Variants in SATB2 observed in about 807,000 individuals in gnomAD.
SATB2 encodes the protein SATB homeobox 2, also known as DNA-binding protein SATB2.
A neutral mutation model predicts 73.4 loss-of-function variants in SATB2; 1 was observed. That is an observed-to-expected ratio of 0.01 (90% CI 0.00 to 0.06). The LOEUF is 0.06. Among genes scored for constraint, SATB2 ranks in the 10% least tolerant of loss-of-function variants. The pLI is 1.00. For missense variants in SATB2, 459 were observed against 945.8 expected (o/e 0.49, Z 6.75); for synonymous variants, 397 against 367.0 (o/e 1.08, Z -0.93).
At chr2:199,470,847 A>G (rs1692690015) in intron 1 of SATB2, 2 of 152,318 alleles carry the variant, frequency 1.3e-5, no homozygotes, top group Admixed American at 6.5e-5. Context: ...TGCGCCCTTC[A>G]AAGAGCTGGC....
Position 199,272,100 on chromosome 2 carries a change from C to T in SATB2, c.*111G>A. ...CAGACATAAAAAGACAAAAATAAAGCCAAAAAAACCCAAAAACAAAAACAA... is the reference window on the plus strand; with the variant it reads ...CAGACATAAAAAGACAAAAATAAAGTCAAAAAAACCCAAAAACAAAAACAA... On this transcript the variant is annotated 3_prime_UTR_variant, in exon 11 of 11. Transcript: ENST00000417098. The surrounding 1 kb of genome is among the most constrained non-coding windows in gnomAD (Gnocchi z 6.7). 9.5e-7 allele frequency: 1 copy of T among 1,053,702 alleles called. No individual in the cohort carries two copies. Among genetic ancestry groups the T allele is most frequent in the Non-Finnish European group, 1.5e-6 (1 of 689,488 alleles). 65.3% of individuals were successfully genotyped at this position (1,053,702 alleles called of 1,614,324 possible).
chr2:199,273,774 T>C (rs2105709443), intron 10 of SATB2, among the ~76,000 whole-genome samples: 1 of 152,274 alleles, frequency 6.6e-6, no homozygotes, highest in Non-Finnish European at 1.5e-5. Context: ...ATTTAAATAA[T>C]TTTTCTTTTA....
intron 6 of SATB2, among the ~76,000 whole-genome samples, chr2:199,352,701 G>A (rs968616604): frequency 6.6e-6 from 1 of 152,128 alleles, no homozygotes; most frequent in Non-Finnish European, 1.5e-5. Flanking sequence ...AGAACTAGGT[G>A]GAGGAGGGAA....
Position 199,455,681 on chromosome 2 carries a change from A to C in SATB2, c.169+188T>G, listed in dbSNP as rs1432405569. On this transcript the variant is annotated intron_variant, in intron 2 of 10. Transcript: ENST00000417098. This position sits in a 1 kb window ranked among gnomAD's most constrained non-coding sequence, Gnocchi z 4.1. ...AAAATGCCACCCTCTGGGTAAAACC[A>C]CTTTCTTGTTTTAACTGGAGATGAA... is the stretch of plus-strand genomic sequence containing the variant. Among the ~76,000 whole-genome samples, 1 of 152,198 alleles carries C rather than the reference A, an allele frequency of 6.6e-6. No homozygotes were observed. The highest frequency in any genetic ancestry group is 1.9e-4 in the East Asian group (1 of 5,194).
chr2:199,287,796 G>T (rs1195271134), intron 10 of SATB2, among the ~76,000 whole-genome samples: 1 of 151,922 alleles, frequency 6.6e-6, no homozygotes, highest in East Asian at 1.9e-4. Flanking sequence ...TTCTTAAAAA[G>T]AATGAAATAA....
chr2:199,331,784 TAGAC>T (rs1327853816), intron 7 of SATB2, among the ~76,000 whole-genome samples: 2 of 152,200 alleles, frequency 1.3e-5, no homozygotes, highest in Non-Finnish European at 2.9e-5. Flanking sequence ...CAGAAGAAAA[TAGAC>T]AGCATAACTT....
At chr2:199,405,369 T>A (rs1319011221) in intron 3 of SATB2, among the ~76,000 whole-genome samples, 1 of 152,070 alleles carries the variant, frequency 6.6e-6, no homozygotes, top group East Asian at 1.9e-4. Context: ...GACTCCCCCA[T>A]AAAGAACTTG....
At chr2:199,395,421 T>C (rs541187750) in intron 3 of SATB2, among the ~76,000 whole-genome samples, 1 of 152,182 alleles carries the variant, frequency 6.6e-6, no homozygotes, top group South Asian at 2.1e-4. Flanking sequence ...TCAAGGTAAG[T>C]TAAATTTTTG....
chr2:199,383,595 G>A (rs953631622), intron 3 of SATB2, among the ~76,000 whole-genome samples: 17 of 152,108 alleles, frequency 1.1e-4, no homozygotes, highest in Admixed American at 7.9e-4. Flanking sequence ...GAATGGGGGG[G>A]AATGAAGTTG....
chr2:199,359,386 A>T (rs912969318), intron 6 of SATB2, among the ~76,000 whole-genome samples: 1 of 152,226 alleles, frequency 6.6e-6, no homozygotes, highest in African/African-American at 2.4e-5. Flanking sequence ...AACTGAATTG[A>T]CTACTGTTAA....
chr2:199,325,648 G>GCCTCA (rs2105791218), intron 8 of SATB2, among the ~76,000 whole-genome samples: 1 of 152,182 alleles, frequency 6.6e-6, no homozygotes, highest in East Asian at 1.9e-4. Context: ...TTCTTAATTT[G>GCCTCA]CCTCACTGAC....
At chr2:199,292,995 A>T (rs185172345) in intron 10 of SATB2, among the ~76,000 whole-genome samples, 1 of 152,234 alleles carries the variant, frequency 6.6e-6, no homozygotes, top group Admixed American at 6.5e-5. Flanking sequence ...GATTTTATTT[A>T]TTGTGTATTA....
intron 9 of SATB2, among the ~76,000 whole-genome samples, chr2:199,312,437 G>A (rs1380896060): frequency 6.6e-6 from 1 of 152,166 alleles, no homozygotes; most frequent in Non-Finnish European, 1.5e-5. Flanking sequence ...AGGACTGAGT[G>A]AATTATAACT....
At chr2:199,415,459 T>C (rs1690949052) in intron 3 of SATB2, among the ~76,000 whole-genome samples, 1 of 152,242 alleles carries the variant, frequency 6.6e-6, no homozygotes, top group South Asian at 2.1e-4. Flanking sequence ...TTAGCTGCTA[T>C]GTATAATATC....
At chr2:199,396,347 C>T (rs1271798909) in intron 3 of SATB2, 1 of 152,138 alleles carries the variant, frequency 6.6e-6, no homozygotes, top group Admixed American at 6.5e-5. Context: ...CCCAGGGGCA[C>T]TCAAAATGGC....
intron 10 of SATB2, among the ~76,000 whole-genome samples, chr2:199,299,585 A>C (rs1358915507): frequency 6.6e-6 from 1 of 152,178 alleles, no homozygotes; most frequent in Admixed American, 6.6e-5. Flanking sequence ...TCTATTTAAA[A>C]ATACATTCTG....
Position 199,272,405 on chromosome 2 carries a change from C to A in SATB2, c.2008G>T (p.Val670Leu). Residue 670 changes from valine (V) to leucine (L), a missense_variant, in exon 11 of 11, where the codon GTG becomes TTG. Physicochemically the swap from Val to Leu is conservative, Grantham distance 32. Coordinates refer to ENST00000417098, the MANE Select transcript of SATB2 (RefSeq NM_001172509.2). The surrounding 1 kb of genome is among the most constrained non-coding windows in gnomAD (Gnocchi z 6.7). Reference sequence around the variant, plus strand: ...TCTTTCAGCTTCCCGTGGTGCTTCACGTGGTACCGCTGGTTCTGGAAGAAC... The same window carrying A: ...TCTTTCAGCTTCCCGTGGTGCTTCAAGTGGTACCGCTGGTTCTGGAAGAAC... Reference protein sequence around the residue: ...IKFFQNQRYHVKHHGKLKEHL... With the variant: ...IKFFQNQRYHLKHHGKLKEHL... The A allele has an allele frequency of 6.2e-7, 1 of 1,614,162 alleles. No individual in the cohort carries two copies.
chr2:199,355,543 A>C (rs1292947365), intron 6 of SATB2, among the ~76,000 whole-genome samples: 2 of 152,054 alleles, frequency 1.3e-5, no homozygotes, highest in Admixed American at 1.3e-4. Context: ...TGATTGGCAC[A>C]GATGCCTGCC....
chr2:199,411,790 G>T (rs1226609782), intron 3 of SATB2, among the ~76,000 whole-genome samples: 1 of 152,174 alleles, frequency 6.6e-6, no homozygotes, highest in Non-Finnish European at 1.5e-5. Flanking sequence ...ACAGATAAAT[G>T]ATAACCCACT....
Sources: gnomAD v4.1 joint callset for allele counts (sites outside exome capture counted in the v4.1 genomes callset) on GRCh38, gnomAD v4.1.1 for gene constraint, Gnocchi (gnomAD v3.1) non-coding constraint, MANE v1.5 for transcripts, NCBI Gene and HGNC (gene_info 2026-07-23, HGNC 2026-07-21) for gene names.